Variants in C5orf22 observed in about 807,000 individuals in gnomAD.
C5orf22 encodes the protein chromosome 5 open reading frame 22, also known as UPF0489 protein C5orf22.
A neutral mutation model predicts 48.7 loss-of-function variants in C5orf22; 36 were observed. That is an observed-to-expected ratio of 0.74 (90% confidence interval 0.57 to 0.98). The LOEUF (loss-of-function observed/expected upper bound fraction) is 0.98. C5orf22 is among the 50% of genes least tolerant of loss of function. The pLI is 0.00. For synonymous variants in C5orf22, 141 were observed against 180.8 expected, an observed-to-expected ratio of 0.78 and a Z score of 1.76; for missense variants, 486 against 521.9, an observed-to-expected ratio of 0.93 and a Z score of 0.67.
intron 7 of C5orf22, among the ~76,000 whole-genome samples, chr5:31,546,285 G>A (rs10058223): frequency 0.04 from 6,123 of 152,282 alleles, 257 homozygotes; most frequent in African/African-American, 0.11. Context: ...TGGTACTTGA[G>A]ATGAGAAAGC....
intron 7 of C5orf22, among the ~76,000 whole-genome samples, chr5:31,547,239 T>C (rs1742949441): frequency 6.6e-6 from 1 of 152,268 alleles, no homozygotes; most frequent in Non-Finnish European, 1.5e-5. Context: ...AGAGGTGGGT[T>C]CGCATTGTCT....
chr5:31,546,266 C>A (rs1375755256), intron 7 of C5orf22, among the ~76,000 whole-genome samples: 1 of 152,128 alleles, frequency 6.6e-6, no homozygotes, highest in African/African-American at 2.4e-5. Context: ...TATATTTTCC[C>A]ATTTGACCTG....
chr5:31,546,199 G>T (rs956409246), intron 7 of C5orf22, among the ~76,000 whole-genome samples: 1 of 152,130 alleles, frequency 6.6e-6, no homozygotes, highest in Non-Finnish European at 1.5e-5. Context: ...GAATGCTATG[G>T]CCAAAGATAC....
At chr5:31,551,270 AT>A (rs1489010504) in intron 7 of C5orf22, 22 bp from the exon 8 acceptor site, 3 of 1,610,380 alleles carry the variant, frequency 1.9e-6, no homozygotes, top group Non-Finnish European at 2.5e-6. Flanking sequence ...ATACAGTGTA[AT>A]TTTTAATTGT....
chr5:31,535,204 A>T (rs569881445), intron 2 of C5orf22, among the ~76,000 whole-genome samples: 1 of 152,242 alleles, frequency 6.6e-6, no homozygotes, highest in Non-Finnish European at 1.5e-5. Context: ...GTGAATAACC[A>T]TAGTTTCTTG....
chr5:31,553,893 T>A lies in C5orf22; in HGVS notation c.*991T>A, dbSNP rs921256458. On this transcript the variant is annotated 3_prime_UTR_variant, in exon 9 of 9. Transcript: ENST00000325366. ...AGATATCAATAATATAGTGCCTAAG[T>A]GCCACTTTATTGCCAAGTCTAGATT... 4 of 152,220 alleles carry A rather than the reference T, an allele frequency of 2.6e-5. No homozygotes were observed. The highest frequency in any genetic ancestry group is 9.6e-5 in the African/African-American group (4 of 41,456). 9.4% of individuals were successfully genotyped at this position (152,220 alleles called of 1,614,324 possible). A position where few individuals can be genotyped will look rare whatever the true frequency, so the allele number is the denominator to read the frequency against.
At chr5:31,536,700 T>G (rs2150072004) in intron 3 of C5orf22, among the ~76,000 whole-genome samples, 1 of 152,316 alleles carries the variant, frequency 6.6e-6, no homozygotes, top group Non-Finnish European at 1.5e-5. Flanking sequence ...AATTACAGTA[T>G]CCTCTGACTT....
chr5:31,538,942 T>C (rs1239418504), intron 4 of C5orf22, among the ~76,000 whole-genome samples: 1 of 152,210 alleles, frequency 6.6e-6, no homozygotes, highest in African/African-American at 2.4e-5. Flanking sequence ...GTATTCATTA[T>C]TTTGCATTTA....
intron 6 of C5orf22, among the ~76,000 whole-genome samples, chr5:31,544,893 C>G (rs1303055610): frequency 1.3e-5 from 2 of 151,974 alleles, no homozygotes; most frequent in Admixed American, 6.6e-5. Flanking sequence ...CATGATCACA[C>G]CACTGCCCTG....
intron 4 of C5orf22, among the ~76,000 whole-genome samples, chr5:31,539,597 A>G (rs1189407876): frequency 1.3e-5 from 2 of 152,246 alleles, no homozygotes; most frequent in Non-Finnish European, 2.9e-5. Flanking sequence ...TTAGAGTGCT[A>G]TTAGGAAACC....
chr5:31,543,948 G>A (rs1407397476), intron 6 of C5orf22, among the ~76,000 whole-genome samples: 1 of 151,916 alleles, frequency 6.6e-6, no homozygotes, highest in African/African-American at 2.4e-5. Flanking sequence ...GCTTGGTATT[G>A]AAGGGAGAAA....
intron 7 of C5orf22, among the ~76,000 whole-genome samples, chr5:31,549,413 A>G (rs1234666057): frequency 1.3e-5 from 2 of 152,208 alleles, no homozygotes; most frequent in Non-Finnish European, 2.9e-5. Context: ...GCAAAGCAAA[A>G]GAATATTTTG....
At chr5:31,536,548 C>A (rs1742107639) in intron 3 of C5orf22, among the ~76,000 whole-genome samples, 1 of 151,980 alleles carries the variant, frequency 6.6e-6, no homozygotes, top group Non-Finnish European at 1.5e-5. Context: ...AACAAACAAA[C>A]AAAAAAACAG....
chr5:31,541,480 A>G (rs1233514525), intron 6 of C5orf22, 78 bp downstream of exon 6: 5 of 1,504,706 alleles, frequency 3.3e-6, no homozygotes, highest in Non-Finnish European at 4.6e-6. Flanking sequence ...TGCAAGATAC[A>G]TTGCTTTTAA....
Position 31,552,943 on chromosome 5 carries a change from T to C in C5orf22, c.*41T>C. 2 of 1,592,340 alleles carry C rather than the reference T, an allele frequency of 1.3e-6. No homozygotes were observed. Among genetic ancestry groups the C allele is most frequent in the Non-Finnish European group, 1.7e-6 (2 of 1,165,832 alleles). ...AGGCTCCTGTTGTATCTTGGTTTAG[T>C]AACAGGCCCTTAATTAACTTATTTG... On this transcript the variant is annotated 3_prime_UTR_variant, in exon 9 of 9. Transcript: ENST00000325366.
chr5:31,552,216 T>C (rs1743323727), intron 8 of C5orf22, among the ~76,000 whole-genome samples: 1 of 152,202 alleles, frequency 6.6e-6, no homozygotes, highest in South Asian at 2.1e-4. Flanking sequence ...TACTTTGCTC[T>C]TTTCTGCTTC....
In C5orf22 at chr5:31,535,875, C is replaced by G; in HGVS notation, c.359C>G (p.Thr120Ser). 3 of 1,612,268 alleles carry G rather than the reference C, an allele frequency of 1.9e-6. No homozygotes were observed. Among genetic ancestry groups the G allele is most frequent in the Non-Finnish European group, 2.5e-6 (3 of 1,179,538 alleles). The change falls in exon 3 of 9, where the codon ACT becomes AGT. Residue 120 changes from threonine to serine, a missense_variant. Transcript: ENST00000325366. ...GRHHFLVGKD[T>S]STTTIRVTST... ...CACCACTTTTTAGTAGGCAAAGACA[C>G]TTCTACCACAACAATCAGGTAATTT...
intron 3 of C5orf22, among the ~76,000 whole-genome samples, chr5:31,537,686 A>T (rs1742183250): frequency 6.6e-6 from 1 of 152,254 alleles, no homozygotes; most frequent in Non-Finnish European, 1.5e-5. Context: ...AGTTTCTATT[A>T]AGAGAAATTA....
At chr5:31,540,156 A>G (rs115576672) in intron 4 of C5orf22, among the ~76,000 whole-genome samples, 175 of 152,328 alleles carry the variant, frequency 1.1e-3, no homozygotes, top group African/African-American at 4.0e-3. Context: ...TCCGACCCAT[A>G]GTTTCTTCAA....
Sources: gnomAD v4.1 joint callset for allele counts (sites outside exome capture counted in the v4.1 genomes callset) on GRCh38, gnomAD v4.1.1 for gene constraint, MANE v1.5 for transcripts, NCBI Gene and HGNC (gene_info 2026-07-23, HGNC 2026-07-21) for gene names.